The following SAMD5 variants were observed in gnomAD, a reference collection of about 807,000 sequenced individuals.
SAMD5 encodes sterile alpha motif domain-containing protein 5.
SAMD5 carries 13 observed loss-of-function variants against 11.3 expected under a neutral mutation model. The ratio of observed to expected loss-of-function variants is 1.15; its 90% CI spans 0.75 to 1.83. The LOEUF is 1.83. Among genes scored for constraint, SAMD5 ranks in the 40% most tolerant of loss-of-function variants. The pLI is 0.00. For synonymous variants in SAMD5, 129 were observed against 111.3 expected, an observed-to-expected ratio of 1.16 and a Z score of -1.00; for missense variants, 255 against 239.1, an observed-to-expected ratio of 1.07 and a Z score of -0.44.
the SAMD5 span, among the ~76,000 whole-genome samples, chr6:147,913,051 A>G: frequency 2.0e-5 from 3 of 152,200 alleles, no homozygotes; most frequent in African/African-American, 4.8e-5. Context: ...ATCACTCTCT[A>G]TCCTTTCAAT....
At chr6:147,706,437 A>AG (rs1356929921) in intron 1 of SAMD5, among the ~76,000 whole-genome samples, 1 of 152,190 alleles carries the variant, frequency 6.6e-6, no homozygotes, top group Admixed American at 6.5e-5. Flanking sequence ...CATGTTGACC[A>AG]GGCTGCTCTC....
chr6:147,948,807 T>C, the SAMD5 span, among the ~76,000 whole-genome samples: 2 of 152,138 alleles, frequency 1.3e-5, no homozygotes, highest in Non-Finnish European at 2.9e-5. Context: ...TTATGTGTGT[T>C]TAATAGAACA....
chr6:147,541,190 TC>T (rs1788598223), intron 1 of SAMD5, among the ~76,000 whole-genome samples: 1 of 152,052 alleles, frequency 6.6e-6, no homozygotes, highest in Non-Finnish European at 1.5e-5. Context: ...CCTCAAGTGA[TC>T]CGCCAGCCTC....
At chr6:147,835,126 G>A in the SAMD5 span, among the ~76,000 whole-genome samples, 15 of 151,430 alleles carry the variant, frequency 9.9e-5, no homozygotes, top group Admixed American at 3.9e-4. Flanking sequence ...ACAGCTACTC[G>A]GGAAGCTGAG....
the SAMD5 span, among the ~76,000 whole-genome samples, chr6:147,867,281 T>G: frequency 9.9e-4 from 8 of 8,060 alleles, no homozygotes; most frequent in East Asian, 2.3e-3. Context: ...TCAAAAAGGT[T>G]TTTTTTTTTT....
chr6:147,848,106 A>C, the SAMD5 span, among the ~76,000 whole-genome samples: 1 of 152,172 alleles, frequency 6.6e-6, no homozygotes, highest in Admixed American at 6.5e-5. Context: ...GCTTGATGAA[A>C]TCTCACTACA....
chr6:147,526,056 A>C (rs1302673141), intron 1 of SAMD5, among the ~76,000 whole-genome samples: 1 of 152,130 alleles, frequency 6.6e-6, no homozygotes, highest in African/African-American at 2.4e-5. Flanking sequence ...CTCTTCAAAT[A>C]GCCTGCTAGA....
chr6:147,666,857 C>T (rs1790729692), intron 1 of SAMD5, among the ~76,000 whole-genome samples: 1 of 152,094 alleles, frequency 6.6e-6, no homozygotes, highest in Admixed American at 6.5e-5. Context: ...CTTGTTTATT[C>T]CCGTAAATTA....
chr6:147,756,551 G>A, the SAMD5 span, among the ~76,000 whole-genome samples: 1 of 152,096 alleles, frequency 6.6e-6, no homozygotes, highest in African/African-American at 2.4e-5. Context: ...CATAATTTTT[G>A]TAGAAATTTT....
intron 1 of SAMD5, among the ~76,000 whole-genome samples, chr6:147,719,480 T>A (rs902179031): frequency 2.0e-4 from 30 of 152,146 alleles, no homozygotes; most frequent in African/African-American, 7.2e-4. Context: ...TGATGAGTAG[T>A]TCCTGGTAGC....
chr6:147,828,842 G>A, the SAMD5 span, among the ~76,000 whole-genome samples: 7,497 of 152,196 alleles, frequency 0.049, 214 homozygotes, highest in African/African-American at 0.06. Flanking sequence ...TGAAGTTCAA[G>A]GGAAGATAAC....
At chr6:147,531,830 G>A (rs534049910) in intron 1 of SAMD5, among the ~76,000 whole-genome samples, 1 of 152,186 alleles carries the variant, frequency 6.6e-6, no homozygotes, top group East Asian at 1.9e-4. Flanking sequence ...ATTTAAAGAT[G>A]AGTAATAAAA....
the SAMD5 span, among the ~76,000 whole-genome samples, chr6:147,930,671 T>C: frequency 6.6e-6 from 1 of 151,988 alleles, no homozygotes; most frequent in Non-Finnish European, 1.5e-5. Context: ...AAGCTGACAA[T>C]GTAGGCCAGA....
the SAMD5 span, among the ~76,000 whole-genome samples, chr6:147,792,504 T>A: frequency 6.6e-6 from 1 of 152,326 alleles, no homozygotes; most frequent in African/African-American, 2.4e-5. Context: ...TTTATGCATA[T>A]GTGTGCATAT....
At chr6:147,608,614 A>G (rs1486514904) in intron 1 of SAMD5, among the ~76,000 whole-genome samples, 3 of 152,128 alleles carry the variant, frequency 2.0e-5, no homozygotes, top group African/African-American at 7.2e-5. Flanking sequence ...ATGGTTATAG[A>G]GAATAGAAGG....
At chr6:147,601,476 T>C (rs990241043) in intron 1 of SAMD5, among the ~76,000 whole-genome samples, 2 of 150,142 alleles carry the variant, frequency 1.3e-5, no homozygotes, top group Non-Finnish European at 3.0e-5. Flanking sequence ...GACTGTAACT[T>C]GTGATTTAAA....
At chr6:147,900,529 G>A in the SAMD5 span, among the ~76,000 whole-genome samples, 143 of 152,366 alleles carry the variant, frequency 9.4e-4, no homozygotes, top group Non-Finnish European at 1.4e-3. Flanking sequence ...GCTGATGCAA[G>A]TGAGATAGGA....
chr6:147,811,165 A>G, the SAMD5 span, among the ~76,000 whole-genome samples: 2 of 152,210 alleles, frequency 1.3e-5, no homozygotes, highest in Non-Finnish European at 2.9e-5. Context: ...TAGTAGAGTA[A>G]TAGTAGAGTG....
intron 1 of SAMD5, among the ~76,000 whole-genome samples, chr6:147,610,679 C>G (rs1789770144): frequency 6.6e-6 from 1 of 152,070 alleles, no homozygotes; most frequent in Non-Finnish European, 1.5e-5. Context: ...CTCAGTCTCA[C>G]GAGGTTGACC....
Sources: gnomAD v4.1 joint callset for allele counts (sites outside exome capture counted in the v4.1 genomes callset) on GRCh38, gnomAD v4.1.1 for gene constraint, MANE v1.5 for transcripts, NCBI Gene and HGNC (gene_info 2026-07-23, HGNC 2026-07-21) for gene names.